Variants in TEX9 observed in about 807,000 individuals in gnomAD.
The protein encoded by TEX9 is testis-expressed protein 9.
A neutral mutation model predicts 59.6 loss-of-function variants in TEX9; 74 were observed. The ratio of observed to expected loss-of-function variants is 1.24; its 90% CI spans 1.03 to 1.51. The LOEUF (loss-of-function observed/expected upper bound fraction) is 1.51. Ranked by LOEUF, TEX9 falls within the 40% of genes most tolerant of loss-of-function variation. TEX9 has a pLI of 0.00. For synonymous variants in TEX9, 186 were observed against 152.2 expected (o/e 1.22, Z -1.64); for missense variants, 522 against 447.8 (o/e 1.17, Z -1.49).
At chr15:56,401,636 G>A (rs1473790051) in intron 9 of TEX9, among the ~76,000 whole-genome samples, 1 of 152,138 alleles carries the variant, frequency 6.6e-6, no homozygotes, top group African/African-American at 2.4e-5. Flanking sequence ...GCACAAAGCA[G>A]ACCTTATAGA....
At chr15:56,403,161 AG>A (rs1475731052) in intron 9 of TEX9, among the ~76,000 whole-genome samples, 2 of 152,238 alleles carry the variant, frequency 1.3e-5, no homozygotes, top group Admixed American at 1.3e-4. Flanking sequence ...AAAGCAATAA[AG>A]GGTATTCAAT....
chr15:56,362,978 T>A (rs1352529012), upstream of TEX9, among the ~76,000 whole-genome samples: 2 of 152,244 alleles, frequency 1.3e-5, no homozygotes, highest in Non-Finnish European at 2.9e-5. Flanking sequence ...TACCACTTTT[T>A]ATTTAATTAC....
chr15:56,255,826 G>C (rs759382639), intron 1 of TEX9, among the ~76,000 whole-genome samples: 93 of 151,964 alleles, frequency 6.1e-4, no homozygotes, highest in Non-Finnish European at 1.1e-3. Flanking sequence ...AGATCAAGTA[G>C]GAAAAAAGTA....
At chr15:56,251,661 G>C (rs2044021659) in intron 1 of TEX9, among the ~76,000 whole-genome samples, 1 of 152,110 alleles carries the variant, frequency 6.6e-6, no homozygotes, top group South Asian at 2.1e-4. Flanking sequence ...AGCAGAAACT[G>C]TGTGAAGAGG....
intron 1 of TEX9, among the ~76,000 whole-genome samples, chr15:56,303,510 C>T (rs1272007942): frequency 6.6e-6 from 1 of 151,974 alleles, no homozygotes; most frequent in African/African-American, 2.4e-5. Context: ...GGAAACACAA[C>T]GTATCAAAAC....
chr15:56,281,065 A>G (rs901822755), intron 1 of TEX9, among the ~76,000 whole-genome samples: 8 of 152,106 alleles, frequency 5.3e-5, no homozygotes, highest in Non-Finnish European at 1.2e-4. Context: ...GAAATCTTGT[A>G]TTGAAGAGGT....
At chr15:56,435,322 CTG>C (rs1184660655) in intron 12 of TEX9, among the ~76,000 whole-genome samples, 1 of 151,384 alleles carries the variant, frequency 6.6e-6, no homozygotes, top group Non-Finnish European at 1.5e-5. Flanking sequence ...CATAATAAAA[CTG>C]TAGAAATCAA....
chr15:56,366,953 C>T (rs1420854039), intron 2 of TEX9, among the ~76,000 whole-genome samples: 1 of 152,130 alleles, frequency 6.6e-6, no homozygotes, highest in Admixed American at 6.5e-5. Flanking sequence ...AATCTGTTTT[C>T]TATATATAGT....
the TEX9 span, among the ~76,000 whole-genome samples, chr15:56,454,129 T>G: frequency 6.6e-6 from 1 of 152,154 alleles, no homozygotes; most frequent in African/African-American, 2.4e-5. Flanking sequence ...GAATGACTTT[T>G]AGTTTGAAAA....
chr15:56,392,932 C>T (rs757574688), intron 7 of TEX9, among the ~76,000 whole-genome samples: 14 of 152,048 alleles, frequency 9.2e-5, no homozygotes, highest in Non-Finnish European at 1.6e-4. Flanking sequence ...AGAATTTTCT[C>T]TTATTTTAGA....
At chr15:56,268,231 T>C (rs1396307042) in intron 1 of TEX9, among the ~76,000 whole-genome samples, 1 of 152,176 alleles carries the variant, frequency 6.6e-6, no homozygotes, top group East Asian at 1.9e-4. Context: ...TGGGCTGAGA[T>C]GATGGGATTT....
chr15:56,444,227 A>G (rs1383330850), intron 12 of TEX9, among the ~76,000 whole-genome samples: 1 of 152,094 alleles, frequency 6.6e-6, no homozygotes, highest in African/African-American at 2.4e-5. Flanking sequence ...AGGTCATTCA[A>G]TCACTTCAGC....
At chr15:56,327,693 G>C (rs79095993) in intron 1 of TEX9, among the ~76,000 whole-genome samples, 7 of 152,080 alleles carry the variant, frequency 4.6e-5, no homozygotes, top group African/African-American at 1.7e-4. Context: ...GTGCGTTTGC[G>C]AGAGGGAGAT....
downstream of TEX9, chr15:56,447,400 C>A (rs1336775836): frequency 1.3e-5 from 2 of 153,164 alleles, no homozygotes; most frequent in African/African-American, 4.8e-5. Context: ...GTACTAATAT[C>A]TTTACATTAC....
intron 1 of TEX9, among the ~76,000 whole-genome samples, chr15:56,290,477 CT>C (rs1216401884): frequency 6.6e-6 from 1 of 152,092 alleles, no homozygotes. Context: ...CAATACAGGT[CT>C]TGCTCTGTCA....
At chr15:56,417,392 G>A (rs2140193162) in intron 10 of TEX9, among the ~76,000 whole-genome samples, 1 of 151,900 alleles carries the variant, frequency 6.6e-6, no homozygotes, top group African/African-American at 2.4e-5. Flanking sequence ...ATTCTGGTAT[G>A]TTATATCTTT....
At chr15:56,374,229 T>A (rs2047321560) in intron 3 of TEX9, 2 of 148,284 alleles carry the variant, frequency 1.3e-5, no homozygotes. Flanking sequence ...ACAGATTCAT[T>A]ACGTTTTCTA....
chr15:56,258,086 A>G (rs1017390604), intron 1 of TEX9, among the ~76,000 whole-genome samples: 2 of 152,144 alleles, frequency 1.3e-5, no homozygotes, highest in African/African-American at 4.8e-5. Context: ...TTTGTCAAAG[A>G]TCAGATGGTT....
chr15:56,436,457 G>C (rs922399725), intron 12 of TEX9, among the ~76,000 whole-genome samples: 2 of 152,190 alleles, frequency 1.3e-5, no homozygotes, highest in South Asian at 2.1e-4. Context: ...ATTTAAAGCA[G>C]TGTGTAGAGG....
Sources: allele counts gnomAD v4.1 joint callset (sites outside exome capture counted in the v4.1 genomes callset), GRCh38; gene constraint gnomAD v4.1.1; transcripts MANE v1.5; gene names NCBI Gene and HGNC (gene_info 2026-07-23, HGNC 2026-07-21).